The following ADH1B variants were observed in gnomAD, a reference collection of about 807,000 sequenced individuals.
ADH1B encodes all-trans-retinol dehydrogenase [NAD(+)] ADH1B.
In ADH1B, 29 loss-of-function variants were observed where a neutral mutation model predicts 34.6. The ratio of observed to expected loss-of-function variants is 0.84; its 90% CI spans 0.62 to 1.14. The LOEUF is 1.14. ADH1B is among the 50% of genes most tolerant of loss of function. The probability of loss-of-function intolerance (pLI) is 0.00; values close to 1 mark genes in which losing one functional copy is unlikely to be tolerated. For missense variants in ADH1B, 424 were observed against 468.4 expected (o/e 0.91, Z 0.87); for synonymous variants, 170 against 175.5 (o/e 0.97, Z 0.25).
In ADH1B at chr4:99,315,946, A is replaced by G. The variant is rs759328450; in HGVS notation, c.519T>C (p.Ile173=). 1.1e-5 allele frequency: 18 copies of G among 1,614,088 alleles called. No individual in the cohort carries two copies. In the South Asian group the frequency reaches 1.9e-4, roughly 17 times the overall value. ...AASPLEKVCL[I]GCGFSTGYGS... is the part of the protein sequence containing the mutation. ...CATAACCAGTCGAGAATCCACAGCC[A>G]ATGAGGCAGACTTTCTCCAGGGGCG... Residue 173 remains isoleucine (I), a synonymous_variant, in exon 5 of 9, where the codon ATT becomes ATC. Transcript: ENST00000305046.
intron 1 of ADH1B, 94 bp from the exon 2 acceptor site, chr4:99,318,980 C>A: frequency 1.5e-6 from 2 of 1,326,066 alleles, no homozygotes; most frequent in Non-Finnish European, 2.2e-6. Flanking sequence ...ATATTGCGTC[C>A]CATGTCTGGT....
chr4:99,319,492 T>A (rs1466426086), intron 1 of ADH1B: 1 of 160,986 alleles, frequency 6.2e-6, no homozygotes, highest in East Asian at 1.8e-4. Flanking sequence ...TGTTTTGTAA[T>A]CTAATTTATG....
chr4:99,314,030 A>G lies in ADH1B; in HGVS notation c.619T>C (p.Ser207Pro). Reference sequence around the variant, plus strand: ...GCTGCTTTACAGCCCATAACAGCAGATAGGCCGACCCCTCCCAGGCCAAAC... The same window carrying G: ...GCTGCTTTACAGCCCATAACAGCAGGTAGGCCGACCCCTCCCAGGCCAAAC... ...AVFGLGGVGL[S>P]AVMGCKAAGA... Residue 207 changes from serine (S) to proline (P), a missense_variant, in exon 6 of 9, where the codon TCT becomes CCT. By Grantham distance (74) the Ser-to-Pro change is moderately conservative (BLOSUM62 -1). Coordinates refer to ENST00000305046, the MANE Select transcript of ADH1B (RefSeq NM_000668.6). 1.3e-5 allele frequency: 21 copies of G among 1,614,244 alleles called. No individual in the cohort carries two copies. Among genetic ancestry groups the G allele is most frequent in the Non-Finnish European group, 1.7e-5 (20 of 1,180,042 alleles).
intron 1 of ADH1B, chr4:99,321,049 A>G: frequency 1.7e-6 from 1 of 602,248 alleles, no homozygotes; most frequent in Non-Finnish European, 2.5e-6. Context: ...GGAATAAACT[A>G]TCATTTTACT....
intron 7 of ADH1B, 126 bp downstream of exon 7, chr4:99,311,395 A>G: frequency 1.7e-6 from 2 of 1,197,454 alleles, no homozygotes; most frequent in Non-Finnish European, 2.3e-6. Flanking sequence ...ATTTAAATTT[A>G]TTTTTGATTT....
chr4:99,311,942 G>A lies in ADH1B; in HGVS notation c.829-286C>T, dbSNP rs28914776. 7.9e-3 allele frequency among the ~76,000 whole-genome samples: 1,202 copies of A among 152,178 alleles called. 16 individuals carry two copies. The highest frequency in any genetic ancestry group is 0.027 in the African/African-American group (1,137 of 41,518). On this transcript the variant is annotated intron_variant, in intron 6 of 8. Coordinates refer to ENST00000305046, the MANE Select transcript of ADH1B (RefSeq NM_000668.6). ...AGTACTTTCAACCAGATATTTTGAC[G>A]GTGAACAAGATAAACAATTATATCA...
At chr4:99,311,988 A>G (rs1446282269) in intron 6 of ADH1B, among the ~76,000 whole-genome samples, 1 of 152,222 alleles carries the variant, frequency 6.6e-6, no homozygotes, top group African/African-American at 2.4e-5. Flanking sequence ...TCTCCTGTCC[A>G]CTTGACGGTC....
At chr4:99,319,146 T>C (rs1733960146) in intron 1 of ADH1B, 2 of 523,382 alleles carry the variant, frequency 3.8e-6, no homozygotes, top group South Asian at 4.1e-5. Flanking sequence ...ATGTTGTTGT[T>C]TTTTCTCTGA....
At chr4:99,311,438 G>T in intron 7 of ADH1B, 83 bp downstream of exon 7, 1 of 1,429,348 alleles carries the variant, frequency 7.0e-7, no homozygotes, top group Non-Finnish European at 9.4e-7. Flanking sequence ...AATTGTAAAA[G>T]GGCATATATA....
Position 99,318,845 on chromosome 4 carries a change from T to C in ADH1B, c.60A>G (p.Lys20=), listed in dbSNP as rs1229983. 61,548 of 1,612,808 alleles carry C rather than the reference T, an allele frequency of 0.038. 1,439 individuals are homozygous for C. The highest frequency in any genetic ancestry group is 0.071 in the Admixed American group (4,286 of 60,002). Residue 20 remains lysine (K), a synonymous_variant, in exon 2 of 9, where the codon AAA becomes AAG. Coordinates refer to ENST00000305046, the MANE Select transcript of ADH1B (RefSeq NM_000668.6). The part of the protein sequence containing the change: ...CKAAVLWEVK[K]PFSIEDVEVA... ...CCTCCACATCCTCAATGGAAAAGGG[T>C]TTCTTTACCTCCCATAGCACAGCTG...
chr4:99,305,593 ATATATATATATATATAC>A lies in ADH1B; in HGVS notation c.*2230_*2246del. On this transcript the variant is annotated 3_prime_UTR_variant, in exon 9 of 9. Coordinates refer to ENST00000305046, the MANE Select transcript of ADH1B (RefSeq NM_000668.6). Reference sequence around the variant, plus strand: ...TATATATATATATATATATATATATATATATATATATATATACAATCACTTAACTATATGAACCACTT... The same window carrying A: ...TATATATATATATATATATATATATAAATCACTTAACTATATGAACCACTT... 1 of 115,228 alleles carries A rather than the reference ATATATATATATATATAC, an allele frequency of 8.7e-6. No individual in the cohort carries two copies. Among genetic ancestry groups the A allele is most frequent in the Non-Finnish European group, 1.8e-5 (1 of 54,956 alleles). The allele number at this position is 115,228 out of a possible 1,614,324, so 7.1% of individuals were successfully genotyped here.
rs370516154 is a variant in ADH1B at position 99,313,851 on chromosome 4, C to T, written c.798G>A (p.Ser266=). The change falls in exon 6 of 9, where the codon TCG becomes TCA. Residue 266 remains serine, a synonymous_variant. Coordinates refer to ENST00000305046, the MANE Select transcript of ADH1B (RefSeq NM_000668.6). ...KEMTDGGVDF[S]FEVIGRLDTM... ...TGTCAAGCCGACCGATGACTTCAAA[C>T]GAAAAATCCACACCTCCATCAGTCA... 173 of 1,613,898 alleles carry T rather than the reference C, an allele frequency of 1.1e-4. No individual in the cohort carries two copies. Among genetic ancestry groups the T allele is most frequent in the Middle Eastern group, 3.3e-4 (2 of 6,076 alleles).
In ADH1B at chr4:99,318,156, T is replaced by C. The variant is rs1347454582; in HGVS notation, c.149A>G (p.Asp50Gly). 1 of 1,614,120 alleles carries C rather than the reference T, an allele frequency of 6.2e-7. No homozygotes were observed. Among genetic ancestry groups the C allele is most frequent in the Admixed American group, 1.7e-5 (1 of 59,998 alleles). ...CAGGTTGCCACTAACCACGTGGTCA[T>C]CTGTGTGACAGATTCCTACAGCCAC... ...KMVAVGICHT[D>G]DHVVSGNLVT... Residue 50 changes from aspartate to glycine, a missense_variant, in exon 3 of 9, where the codon GAT (aspartate) becomes GGT (glycine). Transcript: ENST00000305046.
intron 8 of ADH1B, 147 bp downstream of exon 8, chr4:99,310,618 C>T: frequency 3.5e-6 from 4 of 1,133,906 alleles, no homozygotes; most frequent in Non-Finnish European, 4.9e-6. Context: ...ACAGTATGAT[C>T]CTACATACGC....
At chr4:99,315,806 A>C (rs1202680726) in intron 5 of ADH1B, 92 bp downstream of exon 5, 3 of 1,530,142 alleles carry the variant, frequency 2.0e-6, no homozygotes, top group Non-Finnish European at 1.8e-6. Flanking sequence ...TAAATCTACA[A>C]AAATAATTTC....
rs1733604901 is a variant in ADH1B at position 99,306,100 on chromosome 4, G to A, written c.*1740C>T. On this transcript the variant is annotated 3_prime_UTR_variant, in exon 9 of 9. Transcript: ENST00000305046. ...TGCTCACTGCAACCTCCGCCTCCCA[G>A]GCTCCAGCGATTCTCTTGCCTCAGC... 1 of 152,190 alleles carries A rather than the reference G, an allele frequency of 6.6e-6. No individual in the cohort carries two copies. Among genetic ancestry groups the A allele is most frequent in the Non-Finnish European group, 1.5e-5 (1 of 68,092 alleles). The allele number at this position is 152,190 out of a possible 1,614,324, so 9.4% of individuals were successfully genotyped here. A position where few individuals can be genotyped will look rare whatever the true frequency, so the allele number is the denominator to read the frequency against.
rs772280195 is a variant in ADH1B at position 99,318,091 on chromosome 4, C to T, written c.214G>A (p.Gly72Ser). ...LPVILGHEAAGIVESVGEGVT... is the reference protein window; with the variant it reads ...LPVILGHEAASIVESVGEGVT... ...CCTTCTCCAACACTCTCCACGATGC[C>T]GGCTGCCTCATGGCCTAAAATCACA... Residue 72 changes from glycine (G) to serine (S), a missense_variant, in exon 3 of 9, where the codon GGC (glycine) becomes AGC (serine). Around this residue, in one of 3 missense-constraint regions of ADH1B, gnomAD observed 291 missense variants for 300.4 expected, o/e 0.97. Coordinates refer to ENST00000305046, the MANE Select transcript of ADH1B (RefSeq NM_000668.6). 82 of 1,613,946 alleles carry T rather than the reference C, an allele frequency of 5.1e-5. No homozygotes were observed. Among genetic ancestry groups the T allele is most frequent in the Non-Finnish European group, 6.4e-5 (76 of 1,179,998 alleles).
chr4:99,315,907 G>T lies in ADH1B; in HGVS notation c.558C>A (p.Asn186Lys), dbSNP rs201104860. The change falls in exon 5 of 9, where the codon AAC (asparagine) becomes AAA (lysine). Residue 186 changes from asparagine (N) to lysine (K), a missense_variant. This residue lies in a region of ADH1B where 291 missense variants were observed against 300.4 expected (regional missense o/e 0.97). Coordinates refer to ENST00000305046, the MANE Select transcript of ADH1B (RefSeq NM_000668.6). ...CCATTGTCATTCTCACCTTGGCAAC[G>T]TTAACTGCAGACCCATAACCAGTCG... is the stretch of plus-strand genomic sequence containing the variant. ...GFSTGYGSAVNVAKVTPGSTC... is the reference protein window; with the variant it reads ...GFSTGYGSAVKVAKVTPGSTC... The T allele has an allele frequency of 2.5e-5, 41 of 1,614,044 alleles. No individual in the cohort carries two copies. The African/African-American group carries it at 4.9e-4, about 19-fold the overall frequency.
chr4:99,307,561 T>G lies in ADH1B; in HGVS notation c.*279A>C, dbSNP rs1733641313. On this transcript the variant is annotated 3_prime_UTR_variant, in exon 9 of 9. Coordinates refer to ENST00000305046, the MANE Select transcript of ADH1B (RefSeq NM_000668.6). ...CAAGAAGTCACAGGAATATTTTTCCTCAATGGCAAAGGTGACACAGTAGAA... is the reference window on the plus strand; with the variant it reads ...CAAGAAGTCACAGGAATATTTTTCCGCAATGGCAAAGGTGACACAGTAGAA... The G allele has an allele frequency of 6.5e-6, 3 of 458,640 alleles. No individual in the cohort carries two copies. The highest frequency in any genetic ancestry group is 1.2e-5 in the Non-Finnish European group (3 of 255,376). The allele number at this position is 458,640 out of a possible 1,614,324, so 28.4% of individuals were successfully genotyped here. A position where few individuals can be genotyped will look rare whatever the true frequency, so the allele number is the denominator to read the frequency against.
Sources: gnomAD v4.1 joint callset for allele counts (sites outside exome capture counted in the v4.1 genomes callset) on GRCh38, gnomAD v4.1.1 for gene constraint, gnomAD v4.1.1 regional missense constraint, MANE v1.5 for transcripts, NCBI Gene and HGNC (gene_info 2026-07-23, HGNC 2026-07-21) for gene names.